The following ZNF148 variants were observed in gnomAD, a reference collection of about 807,000 sequenced individuals.
ZNF148 encodes Beta-Enolase Repressor Factor-1.
Under a neutral mutation model 67.7 loss-of-function variants are expected in ZNF148, and 7 were observed. The ratio of observed to expected loss-of-function variants is 0.10; its 90% CI spans 0.06 to 0.19. The LOEUF (loss-of-function observed/expected upper bound fraction) is 0.19. Among genes scored for constraint, ZNF148 ranks in the 10% least tolerant of loss-of-function variants. The pLI is 1.00. For missense variants in ZNF148, 583 were observed against 947.1 expected (o/e 0.62, Z 5.05); for synonymous variants, 333 against 330.7 (o/e 1.01, Z -0.08).
chr3:125,356,004 ACT>A (rs777576284), intron 1 of ZNF148, among the ~76,000 whole-genome samples: 30 of 152,184 alleles, frequency 2.0e-4, no homozygotes, highest in Non-Finnish European at 3.4e-4. Flanking sequence ...CAAGTTACTT[ACT>A]CCCTATTCTA....
chr3:125,227,175 T>G lies in ZNF148; in HGVS notation c.*5166A>C, dbSNP rs1462881858. 1 of 152,460 alleles carries G rather than the reference T, an allele frequency of 6.6e-6. No individual in the cohort carries two copies. 9.4% of individuals were successfully genotyped at this position (152,460 alleles called of 1,614,324 possible). On this transcript the variant is annotated 3_prime_UTR_variant, in exon 9 of 9. Coordinates refer to ENST00000360647, the MANE Select transcript of ZNF148 (RefSeq NM_021964.3). ...TTCCATTTCACTACCCACTCAAGCA[T>G]AGCAACCCAATTCATTTAGTTCTAT...
At chr3:125,244,372 A>C (rs1936502116) in intron 7 of ZNF148, among the ~76,000 whole-genome samples, 2 of 152,342 alleles carry the variant, frequency 1.3e-5, no homozygotes, top group South Asian at 2.1e-4. Context: ...ATTTTTGGCA[A>C]CTGCAAACCT....
At chr3:125,369,730 C>T (rs915938571) in intron 1 of ZNF148, among the ~76,000 whole-genome samples, 1 of 152,128 alleles carries the variant, frequency 6.6e-6, no homozygotes, top group South Asian at 2.1e-4. Flanking sequence ...GTAAATACTA[C>T]TTTGGGATGC....
intron 7 of ZNF148, among the ~76,000 whole-genome samples, chr3:125,235,691 G>A (rs928215847): frequency 6.6e-6 from 1 of 151,914 alleles, no homozygotes; most frequent in African/African-American, 2.4e-5. Flanking sequence ...CAAAGACTTG[G>A]AACCAACCCA....
intron 7 of ZNF148, among the ~76,000 whole-genome samples, chr3:125,246,942 T>G (rs1035981707): frequency 2.4e-4 from 36 of 152,206 alleles, no homozygotes; most frequent in African/African-American, 8.7e-4. Flanking sequence ...TTTATCAGGC[T>G]AAGTAGAACC....
intron 7 of ZNF148, among the ~76,000 whole-genome samples, chr3:125,261,787 G>A (rs1937351512): frequency 6.6e-6 from 1 of 151,030 alleles, no homozygotes; most frequent in South Asian, 2.1e-4. Flanking sequence ...AGAACTGAGA[G>A]GGTGGGGCAT....
At chr3:125,307,058 A>AG (rs1291525295) in intron 4 of ZNF148, among the ~76,000 whole-genome samples, 5 of 151,612 alleles carry the variant, frequency 3.3e-5, no homozygotes, top group African/African-American at 7.3e-5. Context: ...CTATTCCAAA[A>AG]AAAAAAAAAG....
chr3:125,329,280 A>G (rs1941167943), intron 2 of ZNF148, among the ~76,000 whole-genome samples: 1 of 146,922 alleles, frequency 6.8e-6, no homozygotes, highest in South Asian at 2.1e-4. Context: ...GTATATTTAT[A>G]TGTATATGTA....
At chr3:125,243,764 G>T (rs1936470814) in intron 7 of ZNF148, among the ~76,000 whole-genome samples, 1 of 152,090 alleles carries the variant, frequency 6.6e-6, no homozygotes, top group Non-Finnish European at 1.5e-5. Flanking sequence ...GGCCTCAAGT[G>T]ATCCTCCCAA....
chr3:125,253,224 C>T (rs1422977211), intron 7 of ZNF148, among the ~76,000 whole-genome samples: 7 of 152,048 alleles, frequency 4.6e-5, no homozygotes, highest in Non-Finnish European at 1.0e-4. Flanking sequence ...CAGATTTATT[C>T]CTGGCTATCT....
chr3:125,258,537 G>A (rs1045305956), intron 7 of ZNF148, among the ~76,000 whole-genome samples: 5 of 151,904 alleles, frequency 3.3e-5, no homozygotes, highest in Non-Finnish European at 7.4e-5. Context: ...AAGTAGCTGG[G>A]TCTACAGGTG....
At chr3:125,329,310 CAGATATAT>C (rs1941170811) in intron 2 of ZNF148, among the ~76,000 whole-genome samples, 1 of 144,248 alleles carries the variant, frequency 6.9e-6, no homozygotes, top group African/African-American at 2.5e-5. Flanking sequence ...ATTCATACTA[CAGATATAT>C]ATATAATTTT....
At chr3:125,366,412 C>A (rs750487292) in intron 1 of ZNF148, among the ~76,000 whole-genome samples, 21 of 152,214 alleles carry the variant, frequency 1.4e-4, no homozygotes, top group Admixed American at 3.3e-4. Context: ...ACTCTCCTAC[C>A]TTGTATTATA....
chr3:125,317,144 A>G (rs1230485485), intron 3 of ZNF148, among the ~76,000 whole-genome samples: 2 of 152,160 alleles, frequency 1.3e-5, no homozygotes, highest in Non-Finnish European at 2.9e-5. Context: ...CCTTATTCCT[A>G]TGGCCCCAAA....
At position 125,336,677 on chromosome 3, in the gene ZNF148, C is replaced by CTTTTTTTTT. The variant is rs71148176; in HGVS notation, c.-233-5448_-233-5440dup. ...TCAAACCAACCACCCCAGAAATCAC[C>CTTTTTTTTT]TTTTTTTTTTTTTTTTTTGAGATGT... On this transcript the variant is annotated intron_variant, in intron 1 of 8. Coordinates refer to ENST00000360647, the MANE Select transcript of ZNF148 (RefSeq NM_021964.3). Among the ~76,000 whole-genome samples the CTTTTTTTTT allele has an allele frequency of 5.0e-3, 478 of 95,302 alleles. 25 individuals carry two copies. The highest frequency in any genetic ancestry group is 6.9e-3 in the African/African-American group (156 of 22,464). The allele number at this position is 95,302 out of a possible 152,430, so 62.5% of individuals were successfully genotyped here.
chr3:125,329,490 T>C (rs1941189031), intron 2 of ZNF148, among the ~76,000 whole-genome samples: 1 of 151,120 alleles, frequency 6.6e-6, no homozygotes, highest in Non-Finnish European at 1.5e-5. Flanking sequence ...GCCTCCCGAG[T>C]AGCTGGGGTA....
rs1372192713 is a variant in ZNF148, at chr3:125,357,130, A to G, written c.-234+17972T>C. ...TAGTGGCTGCGGAGAAGCCACTCAC[A>G]AAGTTTCCCATCCCGTTGAGGGAAG... On this transcript the variant is annotated intron_variant, in intron 1 of 8. Coordinates refer to ENST00000360647, the MANE Select transcript of ZNF148 (RefSeq NM_021964.3). 3 of 152,218 alleles carry G rather than the reference A, an allele frequency of 2.0e-5. No individual in the cohort carries two copies. In the East Asian group the frequency reaches 5.8e-4, roughly 29 times the overall value. 9.4% of individuals were successfully genotyped at this position (152,218 alleles called of 1,614,324 possible). A position where few individuals can be genotyped will look rare whatever the true frequency, so the allele number is the denominator to read the frequency against.
At chr3:125,240,024 T>C in intron 7 of ZNF148, among the ~76,000 whole-genome samples, 1 of 152,234 alleles carries the variant, frequency 6.6e-6, no homozygotes, top group East Asian at 1.9e-4. Context: ...GTTGTACAAC[T>C]CTGTGAACAT....
At chr3:125,237,946 A>G (rs1253310325) in intron 7 of ZNF148, among the ~76,000 whole-genome samples, 5 of 152,224 alleles carry the variant, frequency 3.3e-5, no homozygotes, top group Non-Finnish European at 5.9e-5. Context: ...AGACATACAT[A>G]TCAAGGAATA....
Sources: allele counts gnomAD v4.1 joint callset (sites outside exome capture counted in the v4.1 genomes callset), GRCh38; gene constraint gnomAD v4.1.1; transcripts MANE v1.5; gene names NCBI Gene and HGNC (gene_info 2026-07-23, HGNC 2026-07-21).